Variants in IPO11 observed in about 807,000 individuals in gnomAD.
IPO11 encodes the protein importin-11.
Under a neutral mutation model 143.2 loss-of-function variants are expected in IPO11, and 66 were observed. The observed-to-expected ratio is 0.46, with a 90% confidence interval of 0.38 to 0.57. The LOEUF (loss-of-function observed/expected upper bound fraction) is 0.57, where lower values mean the gene tolerates loss of function less well. IPO11 is among the 20% of genes least tolerant of loss of function. The pLI, the probability that IPO11 is intolerant of heterozygous loss-of-function variation, is 0.00. For missense variants in IPO11, 1,026 were observed against 1,141.0 expected (o/e 0.90, Z 1.45); for synonymous variants, 385 against 377.8 (o/e 1.02, Z -0.22).
chr5:62,455,738 AT>A (rs1171184932), intron 5 of IPO11, among the ~76,000 whole-genome samples: 6 of 151,988 alleles, frequency 3.9e-5, no homozygotes, highest in African/African-American at 1.4e-4. Flanking sequence ...ATTGAGCTTG[AT>A]TTGACACAAA....
At chr5:62,605,533 A>G (rs1745676836) in intron 29 of IPO11, among the ~76,000 whole-genome samples, 1 of 151,970 alleles carries the variant, frequency 6.6e-6, no homozygotes, top group South Asian at 2.1e-4. Flanking sequence ...AGTATATTCT[A>G]ATTAGTAGAA....
intron 29 of IPO11, among the ~76,000 whole-genome samples, chr5:62,618,124 T>A (rs1746210025): frequency 6.6e-6 from 1 of 152,188 alleles, no homozygotes; most frequent in African/African-American, 2.4e-5. Flanking sequence ...ATCCCTGGTT[T>A]CTTAGAACAG....
chr5:62,585,115 T>C (rs1319441169), intron 27 of IPO11, among the ~76,000 whole-genome samples: 1 of 152,228 alleles, frequency 6.6e-6, no homozygotes, highest in Non-Finnish European at 1.5e-5. Flanking sequence ...CCTAGCCTGT[T>C]GTTAGTATGT....
intron 20 of IPO11, among the ~76,000 whole-genome samples, chr5:62,523,629 T>TAGCC (rs1379018164): frequency 6.6e-5 from 10 of 152,236 alleles, no homozygotes; most frequent in South Asian, 6.2e-4. Context: ...AACCAGGAGG[T>TAGCC]AGCCATGATA....
intron 16 of IPO11, among the ~76,000 whole-genome samples, chr5:62,495,800 T>A (rs1164891518): frequency 6.6e-6 from 1 of 152,202 alleles, no homozygotes; most frequent in African/African-American, 2.4e-5. Context: ...AGACTTGTTT[T>A]ATAATGAGTC....
intron 1 of IPO11, among the ~76,000 whole-genome samples, chr5:62,416,849 C>T (rs572981679): frequency 6.6e-6 from 1 of 151,864 alleles, no homozygotes; most frequent in Non-Finnish European, 1.5e-5. Context: ...CTCAGCCTCT[C>T]TGGTGGCTGG....
At chr5:62,529,695 G>C (rs1419285556) in intron 21 of IPO11, among the ~76,000 whole-genome samples, 1 of 152,186 alleles carries the variant, frequency 6.6e-6, no homozygotes, top group Non-Finnish European at 1.5e-5. Context: ...GTTCTTTACA[G>C]TTTTGATAGC....
At chr5:62,618,345 T>G (rs1746218142) in intron 29 of IPO11, among the ~76,000 whole-genome samples, 2 of 152,044 alleles carry the variant, frequency 1.3e-5, no homozygotes, top group South Asian at 4.1e-4. Flanking sequence ...GTAATTTTAT[T>G]ATACAAGAAT....
At chr5:62,426,781 A>G (rs1743757204) in intron 1 of IPO11, among the ~76,000 whole-genome samples, 1 of 149,360 alleles carries the variant, frequency 6.7e-6, no homozygotes, top group East Asian at 1.9e-4. Flanking sequence ...TATTTTGTAT[A>G]GTATTATATA....
intron 29 of IPO11, among the ~76,000 whole-genome samples, chr5:62,616,719 CAAAAAAAAAAAAAA>C (rs538760503): frequency 4.7e-5 from 4 of 84,428 alleles, no homozygotes; most frequent in Non-Finnish European, 8.8e-5. Flanking sequence ...GACTCTGACT[CAAAAAAAAAAAAAA>C]AAAAAAAAAA....
In IPO11 at chr5:62,487,898, C is replaced by G. The variant is rs116035227; in HGVS notation, c.1309+37C>G. On this transcript the variant is annotated intron_variant, in intron 13 of 29. Transcript: ENST00000325324. ...TTTGTGATTAACTTTGAGTTAATCT[C>G]TTTAACGTTTAGTTAAGAAATAGTC... 2,645 of 1,559,080 alleles carry G rather than the reference C, an allele frequency of 1.7e-3. 44 individuals carry two copies. The African/African-American group carries it at 0.032, about 19-fold the overall frequency.
At chr5:62,461,824 A>G (rs1561320488) in intron 5 of IPO11, among the ~76,000 whole-genome samples, 2 of 152,214 alleles carry the variant, frequency 1.3e-5, no homozygotes, top group African/African-American at 4.8e-5. Context: ...AATGTTTCAG[A>G]TTTTTTTCAG....
intron 24 of IPO11, among the ~76,000 whole-genome samples, chr5:62,542,602 C>G (rs1243041191): frequency 6.6e-6 from 1 of 151,942 alleles, no homozygotes; most frequent in Non-Finnish European, 1.5e-5. Flanking sequence ...CAAGTAATTT[C>G]TTTGTTCTTT....
At chr5:62,588,751 C>T (rs1744900277) in intron 27 of IPO11, among the ~76,000 whole-genome samples, 1 of 152,172 alleles carries the variant, frequency 6.6e-6, no homozygotes, top group Non-Finnish European at 1.5e-5. Context: ...TGTATATCTG[C>T]TTAGGGTGTA....
chr5:62,483,039 T>C (rs901653048), intron 9 of IPO11, 62 bp from the exon 10 acceptor site: 1 of 1,036,324 alleles, frequency 9.6e-7, no homozygotes, highest in African/African-American at 1.6e-5. Flanking sequence ...TTGGAGTGAT[T>C]ATATTCCAAT....
rs559972169 is a variant in IPO11, at chr5:62,430,835, G to A, written c.-6-6439G>A. On this transcript the variant is annotated intron_variant, in intron 1 of 29. Coordinates refer to ENST00000325324, the MANE Select transcript of IPO11 (RefSeq NM_016338.5). The stretch of plus-strand genomic sequence containing the variant: ...TGGGATTACAGGCGTGCACCATCAC[G>A]TCTGGCTAATTTTTTGAATTTTAGT... Among the ~76,000 whole-genome samples, 3 of 150,832 alleles carry A rather than the reference G, an allele frequency of 2.0e-5. 1 individual carries two copies. In the South Asian group the frequency reaches 6.3e-4, roughly 32 times the overall value.
At chr5:62,623,150 A>T (rs1484451398) in intron 29 of IPO11, among the ~76,000 whole-genome samples, 1 of 152,204 alleles carries the variant, frequency 6.6e-6, no homozygotes, top group Non-Finnish European at 1.5e-5. Context: ...TAGTCAGAAA[A>T]GAAGGGAATT....
intron 27 of IPO11, chr5:62,580,012 A>C: frequency 6.4e-7 from 1 of 1,551,232 alleles, no homozygotes; most frequent in Non-Finnish European, 8.7e-7. Context: ...AAACAATAAC[A>C]TTTTGAGGAT....
chr5:62,504,664 T>G lies in IPO11; in HGVS notation c.1591-3T>G. 6.9e-7 allele frequency: 1 copy of G among 1,454,304 alleles called. No individual in the cohort carries two copies. Among genetic ancestry groups the G allele is most frequent in the Non-Finnish European group, 9.4e-7 (1 of 1,061,304 alleles). 90.1% of individuals were successfully genotyped at this position (1,454,304 alleles called of 1,614,324 possible). A position where few individuals can be genotyped will look rare whatever the true frequency, so the allele number is the denominator to read the frequency against. ...TAAAAACTAATGATATACTTTCTTT[T>G]AGGTCCGTATTGAAACAGCTACAAC... On this transcript the variant is annotated splice_region_variant and splice_polypyrimidine_tract_variant and intron_variant, in intron 16 of 29. Transcript: ENST00000325324.
Sources: allele counts gnomAD v4.1 joint callset (sites outside exome capture counted in the v4.1 genomes callset), GRCh38; gene constraint gnomAD v4.1.1; transcripts MANE v1.5; gene names NCBI Gene and HGNC (gene_info 2026-07-23, HGNC 2026-07-21).